The following PCDHGB3 variants were observed in gnomAD, a reference collection of about 807,000 sequenced individuals.
PCDHGB3 encodes the protein protocadherin gamma-B3.
In PCDHGB3, 40 loss-of-function variants were observed where a neutral mutation model predicts 59.2. The ratio of observed to expected loss-of-function variants is 0.68; its 90% CI spans 0.52 to 0.88. PCDHGB3 has a LOEUF of 0.88. PCDHGB3 is among the 40% of genes least tolerant of loss of function. The pLI is 0.00. For synonymous variants in PCDHGB3, 581 were observed against 503.6 expected (o/e 1.15, Z -2.06); for missense variants, 1,309 against 1,187.9 (o/e 1.10, Z -1.50).
At chr5:141,453,351 C>T (rs1210851703) in intron 1 of PCDHGB3, among the ~76,000 whole-genome samples, 3 of 151,738 alleles carry the variant, frequency 2.0e-5, no homozygotes, top group African/African-American at 7.3e-5. Context: ...CCAGGCTGAC[C>T]CTGAACTCCT....
chr5:141,417,525 C>G (rs1435259680), intron 1 of PCDHGB3: 1 of 272,692 alleles, frequency 3.7e-6, no homozygotes, highest in African/African-American at 2.2e-5. Flanking sequence ...GCTGTCAACT[C>G]GTAGTTTAAA....
At chr5:141,409,952 C>T (rs892751686) in intron 1 of PCDHGB3, 2 of 1,613,232 alleles carry the variant, frequency 1.2e-6, no homozygotes, top group Non-Finnish European at 1.7e-6. Context: ...CTCTGCAGAG[C>T]CCGGCTACCT....
chr5:141,419,769 C>T (rs773303779), intron 1 of PCDHGB3: 6 of 1,613,888 alleles, frequency 3.7e-6, no homozygotes, highest in Non-Finnish European at 4.2e-6. Context: ...GACAAGGACT[C>T]GGTCCGCCAG....
At chr5:141,443,317 C>CAA (rs35054295) in intron 1 of PCDHGB3, among the ~76,000 whole-genome samples, 2,546 of 141,926 alleles carry the variant, frequency 0.018, 55 homozygotes, top group African/African-American at 0.052. Flanking sequence ...CCCATCTCTA[C>CAA]AAAAAAAAAA....
chr5:141,458,340 G>C (rs4551132), intron 1 of PCDHGB3, among the ~76,000 whole-genome samples: 42,372 of 151,882 alleles, frequency 0.28, 6,646 homozygotes, highest in African/African-American at 0.43. Context: ...TTTAAGGAGT[G>C]GAGAGTTTAA....
At chr5:141,393,730 G>A in intron 1 of PCDHGB3, 1 of 1,613,842 alleles carries the variant, frequency 6.2e-7, no homozygotes, top group Non-Finnish European at 8.5e-7. Context: ...ATAGCAAAAA[G>A]TCTAGATTAT....
At chr5:141,421,827 C>A in intron 1 of PCDHGB3, 1 of 1,613,802 alleles carries the variant, frequency 6.2e-7, no homozygotes, top group Non-Finnish European at 8.5e-7. Flanking sequence ...TGGAGGGAAG[C>A]CTGGACCGAG....
rs2099637746 is a variant in PCDHGB3, at chr5:141,486,980, A to G, written c.2416-7827A>G. Reference sequence around the variant, plus strand: ...TGCTGTGGACTTGGATTCAGGTTACAATGCTTGGGTTTCCTATCAGCTCCT... The same window carrying G: ...TGCTGTGGACTTGGATTCAGGTTACGATGCTTGGGTTTCCTATCAGCTCCT... On this transcript the variant is annotated intron_variant, in intron 1 of 3. Coordinates refer to ENST00000576222, the MANE Select transcript of PCDHGB3 (RefSeq NM_018924.5). This position sits in a 1 kb window ranked among gnomAD's most constrained non-coding sequence, Gnocchi z 5.0. The G allele has an allele frequency of 1.2e-6, 2 of 1,614,040 alleles. No individual in the cohort carries two copies. The highest frequency in any genetic ancestry group is 1.3e-5 in the African/African-American group (1 of 74,908).
At chr5:141,503,241 A>G (rs1399557839) in intron 2 of PCDHGB3, among the ~76,000 whole-genome samples, 1 of 152,074 alleles carries the variant, frequency 6.6e-6, no homozygotes, top group Non-Finnish European at 1.5e-5. Context: ...GACAGTTTCT[A>G]TCATACTCAC....
chr5:141,504,578 TGCCCAGGATTCACAGCAA>T (rs2099839274), intron 2 of PCDHGB3, among the ~76,000 whole-genome samples: 1 of 148,500 alleles, frequency 6.7e-6, no homozygotes, highest in African/African-American at 2.5e-5. Flanking sequence ...GAACACCATC[TGCCCAGGATTCACAGCAA>T]GAGGGAACTT....
intron 2 of PCDHGB3, among the ~76,000 whole-genome samples, chr5:141,502,905 A>T (rs1364939091): frequency 1.5e-5 from 2 of 131,814 alleles, no homozygotes; most frequent in Non-Finnish European, 3.0e-5. Flanking sequence ...CTCTGTTGCC[A>T]GGCTGGAGTG....
chr5:141,408,153 C>T, intron 1 of PCDHGB3: 4 of 1,509,360 alleles, frequency 2.7e-6, no homozygotes, highest in Non-Finnish European at 3.6e-6. Context: ...CGGTAGAGTG[C>T]ACTTTCTCCA....
Position 141,383,201 on chromosome 5 carries a change from G to A in PCDHGB3, c.2415+10392G>A, listed in dbSNP as rs368180461. ...GAAGAGATCTGCGCTCAGAGTGCGCGGTGTCTGGTAAACTTTAACATCCTG... is the reference window on the plus strand; with the variant it reads ...GAAGAGATCTGCGCTCAGAGTGCGCAGTGTCTGGTAAACTTTAACATCCTG... On this transcript the variant is annotated intron_variant, in intron 1 of 3. Coordinates refer to ENST00000576222, the MANE Select transcript of PCDHGB3 (RefSeq NM_018924.5). 4.3e-6 allele frequency: 7 copies of A among 1,613,882 alleles called. No individual in the cohort carries two copies. In the African/African-American group the frequency reaches 9.3e-5, roughly 22 times the overall value.
rs368371918 is a variant in PCDHGB3 at position 141,432,800 on chromosome 5, C to G, written c.2415+59991C>G. Reference sequence around the variant, plus strand: ...GGCGGACCTCGGCAGCCTCGAGTCTCCAGCTAACTCTGAAACCTCAGACCT... The same window carrying G: ...GGCGGACCTCGGCAGCCTCGAGTCTGCAGCTAACTCTGAAACCTCAGACCT... On this transcript the variant is annotated intron_variant, in intron 1 of 3. Coordinates refer to ENST00000576222, the MANE Select transcript of PCDHGB3 (RefSeq NM_018924.5). This position sits in a 1 kb window ranked among gnomAD's most constrained non-coding sequence, Gnocchi z 6.0. The G allele has an allele frequency of 9.9e-6, 16 of 1,614,038 alleles. No individual in the cohort carries two copies. Among genetic ancestry groups the G allele is most frequent in the Non-Finnish European group, 1.3e-5 (15 of 1,180,016 alleles).
intron 1 of PCDHGB3, chr5:141,422,797 G>A (rs1037091316): frequency 2.5e-6 from 4 of 1,614,244 alleles, no homozygotes; most frequent in Non-Finnish European, 3.4e-6. Context: ...CTTCGACTAT[G>A]AGCAGTTTCG....
At position 141,476,903 on chromosome 5, in the gene PCDHGB3, G is replaced by C; in HGVS notation, c.2416-17904G>C. On this transcript the variant is annotated intron_variant, in intron 1 of 3. Transcript: ENST00000576222. The surrounding 1 kb of genome is among the most constrained non-coding windows in gnomAD (Gnocchi z 7.6). Reference sequence around the variant, plus strand: ...GGAGGATGCACCCTCCGGCACGCGCGTGGTACAAGTCCTTGCAACGGATCT... The same window carrying C: ...GGAGGATGCACCCTCCGGCACGCGCCTGGTACAAGTCCTTGCAACGGATCT... The C allele has an allele frequency of 1.2e-6, 2 of 1,614,018 alleles. No individual in the cohort carries two copies. Among genetic ancestry groups the C allele is most frequent in the Non-Finnish European group, 1.7e-6 (2 of 1,180,044 alleles).
chr5:141,475,908 A>G (rs531350638), intron 1 of PCDHGB3: 110 of 585,688 alleles, frequency 1.9e-4, no homozygotes, highest in Non-Finnish European at 2.5e-4. Context: ...CTGTCGGCCA[A>G]TGAAGACGCT....
chr5:141,415,901 C>A, intron 1 of PCDHGB3: 1 of 847,932 alleles, frequency 1.2e-6, no homozygotes, highest in Non-Finnish European at 1.6e-6. Context: ...CTAAGACAGA[C>A]TTCCATACAG....
Position 141,408,343 on chromosome 5 carries a change from G to A in PCDHGB3, c.2415+35534G>A, listed in dbSNP as rs780878986. On this transcript the variant is annotated intron_variant, in intron 1 of 3. Transcript: ENST00000576222. Reference sequence around the variant, plus strand: ...AGGAGCTGGCCAAGGGCTCGGTGGTGGGGAACCTCGCTAAGGATCTAGGGC... The same window carrying A: ...AGGAGCTGGCCAAGGGCTCGGTGGTAGGGAACCTCGCTAAGGATCTAGGGC... The A allele has an allele frequency of 1.9e-6, 3 of 1,613,924 alleles. No individual in the cohort carries two copies. In the South Asian group the frequency reaches 3.3e-5, roughly 18 times the overall value.
Sources: gnomAD v4.1 joint callset for allele counts (sites outside exome capture counted in the v4.1 genomes callset) on GRCh38, gnomAD v4.1.1 for gene constraint, Gnocchi (gnomAD v3.1) non-coding constraint, MANE v1.5 for transcripts, NCBI Gene and HGNC (gene_info 2026-07-23, HGNC 2026-07-21) for gene names.